Variants in GRID1 observed in about 807,000 individuals in gnomAD.
The protein encoded by GRID1 is glutamate receptor ionotropic, delta-1.
In GRID1, 28 loss-of-function variants were observed where a neutral mutation model predicts 98.0. The ratio of observed to expected loss-of-function variants is 0.29; its 90% confidence interval spans 0.21 to 0.39. The LOEUF (loss-of-function observed/expected upper bound fraction) is 0.39. GRID1 is among the 10% of genes least tolerant of loss of function. GRID1 has a pLI of 1.00. For missense variants in GRID1, 1,111 were observed against 1,340.5 expected, an observed-to-expected ratio of 0.83 and a Z score of 2.67; for synonymous variants, 553 against 538.5, an observed-to-expected ratio of 1.03 and a Z score of -0.37.
At chr10:86,125,410 G>A (rs1844738018) in intron 4 of GRID1, among the ~76,000 whole-genome samples, 1 of 152,212 alleles carries the variant, frequency 6.6e-6, no homozygotes, top group Non-Finnish European at 1.5e-5. Context: ...GTGGAGTACT[G>A]CTAGGTAGAG....
intron 12 of GRID1, among the ~76,000 whole-genome samples, chr10:85,718,721 C>A (rs1230613376): frequency 6.6e-6 from 1 of 152,182 alleles, no homozygotes; most frequent in Non-Finnish European, 1.5e-5. Flanking sequence ...GCCCATGACA[C>A]CACATTTTGC....
intron 4 of GRID1, among the ~76,000 whole-genome samples, chr10:85,957,687 C>G (rs951580337): frequency 1.3e-5 from 2 of 152,206 alleles, no homozygotes; most frequent in Non-Finnish European, 2.9e-5. Flanking sequence ...GAATCCCAGA[C>G]AGGATTGGTA....
At chr10:85,970,764 G>A (rs1437461454) in intron 4 of GRID1, among the ~76,000 whole-genome samples, 1 of 151,954 alleles carries the variant, frequency 6.6e-6, no homozygotes, top group Non-Finnish European at 1.5e-5. Flanking sequence ...CCTAAGACAA[G>A]GAACAAGACA....
chr10:86,233,592 A>AGTG lies in GRID1; in HGVS notation c.236-26947_236-26945dup, dbSNP rs1194104392. ...GGGTAGCTCACAGCCAACATCAGACAGTGGTGGTGGTAGAGGAGGTCACCC... is the reference window on the plus strand; with the variant it reads ...GGGTAGCTCACAGCCAACATCAGACAGTGGTGGTGGTGGTAGAGGAGGTCACCC... On this transcript the variant is annotated intron_variant, in intron 2 of 15. Transcript: ENST00000327946. 3.3e-5 allele frequency among the ~76,000 whole-genome samples: 5 copies of AGTG among 152,144 alleles called. 1 individual carries two copies. The South Asian group carries it at 1.0e-3, about 32-fold the overall frequency.
chr10:86,069,955 G>A (rs1032105705), intron 4 of GRID1, among the ~76,000 whole-genome samples: 5 of 152,244 alleles, frequency 3.3e-5, no homozygotes, highest in African/African-American at 9.6e-5. Context: ...CAGGGATGCC[G>A]AAGAAGAAAC....
At chr10:85,639,296 G>T (rs753734418) in intron 13 of GRID1, among the ~76,000 whole-genome samples, 5 of 152,174 alleles carry the variant, frequency 3.3e-5, no homozygotes, top group Non-Finnish European at 5.9e-5. Context: ...TATACATTTT[G>T]TTGGGTGAAA....
intron 8 of GRID1, among the ~76,000 whole-genome samples, chr10:85,817,986 A>G (rs1298714879): frequency 6.6e-6 from 1 of 152,234 alleles, no homozygotes; most frequent in African/African-American, 2.4e-5. Context: ...GCTTTTGGAA[A>G]CAGTGATTTG....
At chr10:85,760,098 C>G (rs1281451039) in intron 8 of GRID1, among the ~76,000 whole-genome samples, 1 of 152,158 alleles carries the variant, frequency 6.6e-6, no homozygotes, top group Non-Finnish European at 1.5e-5. Context: ...TTCTGACATC[C>G]ATTTTTGTTA....
intron 3 of GRID1, among the ~76,000 whole-genome samples, chr10:86,150,837 T>C (rs955695521): frequency 6.6e-6 from 1 of 152,178 alleles, no homozygotes; most frequent in African/African-American, 2.4e-5. Context: ...TGAGAGAAGA[T>C]GGCCAACTGC....
chr10:85,727,873 G>A lies in GRID1; in HGVS notation c.1515C>T (p.Ile505=), dbSNP rs753360042. 6.8e-6 allele frequency: 11 copies of A among 1,613,296 alleles called. No individual in the cohort carries two copies. Among genetic ancestry groups the A allele is most frequent in the Admixed American group, 3.3e-5 (2 of 59,990 alleles). The change falls in exon 10 of 16, where the codon ATC becomes ATT. Residue 505 remains isoleucine (I), a synonymous_variant. Coordinates refer to ENST00000327946, the MANE Select transcript of GRID1 (RefSeq NM_017551.3). ...GACCTACCTTGCTGATGAGCTCCCC[G>A]ATCATCCCGTTCCAGGAGGTGTTAT... ...QLHNTSWNGM[I]GELISKRADL... is the part of the protein sequence containing the mutation.
chr10:85,855,980 A>G (rs754504262), intron 7 of GRID1, 49 bp downstream of exon 7: 1 of 1,573,314 alleles, frequency 6.4e-7, no homozygotes, highest in African/African-American at 1.3e-5. Flanking sequence ...GTGGAGGTAT[A>G]AGAAGGGGCC....
At chr10:86,261,090 G>A (rs1424400001) in intron 2 of GRID1, among the ~76,000 whole-genome samples, 1 of 152,224 alleles carries the variant, frequency 6.6e-6, no homozygotes, top group Non-Finnish European at 1.5e-5. Context: ...GAGGGCTGGG[G>A]CCCCTGTAGC....
chr10:85,991,706 T>C (rs2131868421), intron 4 of GRID1, among the ~76,000 whole-genome samples: 1 of 151,642 alleles, frequency 6.6e-6, no homozygotes, highest in Middle Eastern at 3.4e-3. Context: ...GAGCAGAAAA[T>C]TGGAAAATAG....
intron 2 of GRID1, among the ~76,000 whole-genome samples, chr10:86,294,041 TGG>T: frequency 6.6e-6 from 1 of 152,188 alleles, no homozygotes; most frequent in East Asian, 1.9e-4. Flanking sequence ...ATCACTGTTA[TGG>T]GTAAAACTAA....
At chr10:85,757,983 G>A (rs960797566) in intron 8 of GRID1, among the ~76,000 whole-genome samples, 1 of 152,178 alleles carries the variant, frequency 6.6e-6, no homozygotes, top group Non-Finnish European at 1.5e-5. Context: ...AACACTCCTG[G>A]CACAGCCTCA....
intron 8 of GRID1, among the ~76,000 whole-genome samples, chr10:85,775,904 A>G (rs1842326450): frequency 6.6e-6 from 1 of 152,184 alleles, no homozygotes; most frequent in Non-Finnish European, 1.5e-5. Flanking sequence ...ACTATATAAT[A>G]GTTTTGTTCA....
At chr10:85,619,508 G>T (rs925914500) in intron 14 of GRID1, among the ~76,000 whole-genome samples, 1 of 152,118 alleles carries the variant, frequency 6.6e-6, no homozygotes, top group African/African-American at 2.4e-5. Context: ...CAGCTTCAGG[G>T]GTGTCCCCTC....
At chr10:86,108,471 A>G (rs1564677173) in intron 4 of GRID1, among the ~76,000 whole-genome samples, 1 of 152,190 alleles carries the variant, frequency 6.6e-6, no homozygotes, top group Admixed American at 6.5e-5. Flanking sequence ...CTGGGACTGG[A>G]AACTTCCATG....
intron 3 of GRID1, among the ~76,000 whole-genome samples, chr10:86,181,877 AG>A (rs1289409883): frequency 6.6e-6 from 1 of 152,192 alleles, no homozygotes; most frequent in Non-Finnish European, 1.5e-5. Flanking sequence ...CCATGAGGGC[AG>A]GAACGTTGAC....
Sources: allele counts gnomAD v4.1 joint callset (sites outside exome capture counted in the v4.1 genomes callset), GRCh38; gene constraint gnomAD v4.1.1; transcripts MANE v1.5; gene names NCBI Gene and HGNC (gene_info 2026-07-23, HGNC 2026-07-21).